The following YIPF1 variants were observed in gnomAD, a reference collection of about 807,000 sequenced individuals.
YIPF1 encodes the protein protein YIPF1.
Under a neutral mutation model 37.0 loss-of-function variants are expected in YIPF1, and 22 were observed. The ratio of observed to expected loss-of-function variants is 0.59; its 90% CI spans 0.42 to 0.85. YIPF1 has a LOEUF of 0.85. Among genes scored for constraint, YIPF1 ranks in the 40% least tolerant of loss-of-function variants. The pLI, the probability that YIPF1 is intolerant of heterozygous loss-of-function variation, is 0.00. For missense variants in YIPF1, 355 were observed against 373.1 expected (o/e 0.95, Z 0.40); for synonymous variants, 128 against 131.9 (o/e 0.97, Z 0.21).
chr1:53,875,889 G>A lies in YIPF1; in HGVS notation c.364+2426C>T, dbSNP rs530190559. ...AACACTTCATGTCCTTCTTCTCTCT[G>A]CTATTAAATTTTCACCTAAGCATTC... On this transcript the variant is annotated intron_variant, in intron 6 of 10. Transcript: ENST00000072644. Among the ~76,000 whole-genome samples, 115 of 152,230 alleles carry A rather than the reference G, an allele frequency of 7.6e-4. 2 individuals are homozygous for A. The South Asian group carries it at 0.022, about 29-fold the overall frequency.
In YIPF1 at chr1:53,884,246, A is replaced by C. The variant is rs1056031066; in HGVS notation, c.32-970T>G. On this transcript the variant is annotated intron_variant, in intron 3 of 10. Coordinates refer to ENST00000072644, the MANE Select transcript of YIPF1 (RefSeq NM_018982.5). ...TAAGACTTTGTCTCAAAAAAAAAAAAAAAAACCCAAAAAACAAAAAAACAC... is the reference window on the plus strand; with the variant it reads ...TAAGACTTTGTCTCAAAAAAAAAAACAAAAACCCAAAAAACAAAAAAACAC... 2.6e-4 allele frequency among the ~76,000 whole-genome samples: 40 copies of C among 151,446 alleles called. 1 individual carries two copies. The highest frequency in any genetic ancestry group is 9.7e-4 in the African/African-American group (40 of 41,230).
chr1:53,878,478 C>CA, intron 5 of YIPF1, 76 bp from the exon 6 acceptor site: 4 of 1,531,678 alleles, frequency 2.6e-6, no homozygotes, highest in Non-Finnish European at 3.6e-6. Context: ...AATTGAAACT[C>CA]AGTCATTAGA....
rs1017099142 is a variant in YIPF1 at position 53,889,748 on chromosome 1, G to C, written c.-305C>G. On this transcript the variant is annotated 5_prime_UTR_variant, in exon 1 of 11. Transcript: ENST00000072644. ...TAGGCGTCCCCCGGGTCCCGAGAAG[G>C]CTCGGGCCTCAGTTGCTCCGCGCCG... 6.6e-6 allele frequency: 1 copy of C among 152,328 alleles called. No individual in the cohort carries two copies. The highest frequency in any genetic ancestry group is 2.1e-4 in the South Asian group (1 of 4,830). The allele number at this position is 152,328 out of a possible 1,614,324, so 9.4% of individuals were successfully genotyped here.
At chr1:53,889,100 T>C (rs1650733868) in intron 2 of YIPF1, 114 bp from the exon 3 acceptor site, 3 of 539,822 alleles carry the variant, frequency 5.6e-6, no homozygotes, top group Non-Finnish European at 1.0e-5. Context: ...CAGTGGGGTT[T>C]AATAGGTTTA....
intron 7 of YIPF1, among the ~76,000 whole-genome samples, chr1:53,869,126 A>C (rs1650106318): frequency 6.8e-6 from 1 of 148,062 alleles, no homozygotes; most frequent in Non-Finnish European, 1.5e-5. Context: ...GGATACATGG[A>C]TACATTCTCT....
At chr1:53,864,750 G>A (rs747718887) in intron 9 of YIPF1, among the ~76,000 whole-genome samples, 7 of 151,982 alleles carry the variant, frequency 4.6e-5, no homozygotes, top group Non-Finnish European at 8.8e-5. Flanking sequence ...TGTTAAGGCC[G>A]TGGGCAGCAA....
intron 4 of YIPF1, among the ~76,000 whole-genome samples, chr1:53,879,002 C>T (rs899327627): frequency 6.6e-6 from 1 of 152,094 alleles, no homozygotes; most frequent in Non-Finnish European, 1.5e-5. Context: ...GCTTAGTTCC[C>T]TTATCTAGAT....
chr1:53,884,352 C>A (rs999877122), intron 3 of YIPF1, among the ~76,000 whole-genome samples: 3 of 151,990 alleles, frequency 2.0e-5, no homozygotes, highest in Non-Finnish European at 4.4e-5. Flanking sequence ...ATTCATGCCA[C>A]TGATGATCAT....
At chr1:53,874,379 C>T (rs1318071195) in intron 6 of YIPF1, among the ~76,000 whole-genome samples, 2 of 152,140 alleles carry the variant, frequency 1.3e-5, no homozygotes, top group Non-Finnish European at 2.9e-5. Context: ...ATTAAAATTT[C>T]ATATTATGCA....
At chr1:53,884,506 C>G (rs1326092058) in intron 3 of YIPF1, among the ~76,000 whole-genome samples, 1 of 152,178 alleles carries the variant, frequency 6.6e-6, no homozygotes, top group Non-Finnish European at 1.5e-5. Flanking sequence ...TTTCATATAA[C>G]AGTCTCTTAA....
intron 4 of YIPF1, among the ~76,000 whole-genome samples, chr1:53,882,014 G>A (rs1322101714): frequency 6.6e-6 from 1 of 152,188 alleles, no homozygotes; most frequent in African/African-American, 2.4e-5. Flanking sequence ...ATACAACCAT[G>A]GAATACTACG....
intron 10 of YIPF1, among the ~76,000 whole-genome samples, chr1:53,857,263 C>A (rs2100718045): frequency 1.3e-5 from 2 of 152,318 alleles, no homozygotes; most frequent in East Asian, 3.9e-4. Flanking sequence ...GAGGAGCAAG[C>A]TAAGCTATCC....
chr1:53,869,693 G>A (rs1650125793), intron 7 of YIPF1, among the ~76,000 whole-genome samples: 1 of 152,006 alleles, frequency 6.6e-6, no homozygotes, highest in African/African-American at 2.4e-5. Flanking sequence ...CTCATTTGGG[G>A]GCAGCTGTCA....
At chr1:53,864,276 CA>C (rs1649962332) in intron 9 of YIPF1, among the ~76,000 whole-genome samples, 1 of 152,218 alleles carries the variant, frequency 6.6e-6, no homozygotes, top group African/African-American at 2.4e-5. Flanking sequence ...TGTTCTTCAG[CA>C]GACAGAAAAG....
intron 7 of YIPF1, among the ~76,000 whole-genome samples, chr1:53,870,096 T>C (rs141724378): frequency 0.024 from 3,684 of 150,862 alleles, 167 homozygotes; most frequent in African/African-American, 0.086. Context: ...CCTGACCTTG[T>C]GATCCACCCA....
intron 4 of YIPF1, 73 bp downstream of exon 4, chr1:53,883,040 C>G: frequency 6.7e-7 from 1 of 1,482,180 alleles, no homozygotes; most frequent in Admixed American, 2.4e-5. Flanking sequence ...ACCTGGCACA[C>G]AGTAGACAGT....
chr1:53,858,821 A>C (rs1016151008), intron 10 of YIPF1, among the ~76,000 whole-genome samples: 3 of 152,158 alleles, frequency 2.0e-5, no homozygotes, highest in African/African-American at 7.2e-5. Context: ...TTGTTTGTAG[A>C]AACGGGGTTT....
intron 7 of YIPF1, among the ~76,000 whole-genome samples, chr1:53,869,936 G>A (rs996257599): frequency 6.9e-6 from 1 of 144,122 alleles, no homozygotes; most frequent in Non-Finnish European, 1.5e-5. Flanking sequence ...GCAGTAGCGT[G>A]ATCTCGGCTC....
chr1:53,855,052 C>CT (rs1649685261), intron 10 of YIPF1: 1 of 150,986 alleles, frequency 6.6e-6, no homozygotes, highest in South Asian at 2.1e-4. Context: ...CAAGTGAGTC[C>CT]TGAAAAATAA....
Sources: gnomAD v4.1 joint callset for allele counts (sites outside exome capture counted in the v4.1 genomes callset) on GRCh38, gnomAD v4.1.1 for gene constraint, MANE v1.5 for transcripts, NCBI Gene and HGNC (gene_info 2026-07-23, HGNC 2026-07-21) for gene names.